TRRAP: variants seen among roughly 807,000 people sequenced by gnomAD.
TRRAP encodes the protein transformation/transcription domain associated protein.
Under a neutral mutation model 438.8 loss-of-function variants are expected in TRRAP, and 41 were observed. The ratio of observed to expected loss-of-function variants is 0.09; its 90% CI spans 0.07 to 0.12. The LOEUF is 0.12. TRRAP is among the 10% of genes least tolerant of loss of function. The pLI is 1.00. For synonymous variants in TRRAP, 1,994 were observed against 1,962.9 expected (o/e 1.02, Z -0.42); for missense variants, 3,122 against 5,055.1 (o/e 0.62, Z 11.60).
At chr7:98,988,107 G>A (rs1272501699) in intron 62 of TRRAP, among the ~76,000 whole-genome samples, 2 of 152,116 alleles carry the variant, frequency 1.3e-5, no homozygotes, top group Admixed American at 6.5e-5. Context: ...CATTTTTGTC[G>A]AGGATGTTTG....
At chr7:98,921,463 C>G (rs782118446) in intron 20 of TRRAP, among the ~76,000 whole-genome samples, 27 of 151,890 alleles carry the variant, frequency 1.8e-4, no homozygotes, top group Non-Finnish European at 2.2e-4. Context: ...ACAACCTTCG[C>G]CTTCTGGGTT....
intron 52 of TRRAP, among the ~76,000 whole-genome samples, chr7:98,970,757 C>CGCTGCCTGGGGGAAT (rs1302341862): frequency 2.6e-5 from 4 of 152,288 alleles, no homozygotes; most frequent in African/African-American, 9.6e-5. Flanking sequence ...TTACAGAAAG[C>CGCTGCCTGGGGGAAT]GCTGCCTGGG....
intron 17 of TRRAP, 45 bp downstream of exon 17, chr7:98,911,316 TG>T: frequency 2.0e-6 from 3 of 1,500,756 alleles, no homozygotes; most frequent in Non-Finnish European, 2.7e-6. Flanking sequence ...TACAATTCTT[TG>T]TTTATGTCTT....
intron 70 of TRRAP, 26 bp downstream of exon 70, chr7:99,008,587 C>T (rs945845017): frequency 1.6e-5 from 26 of 1,609,030 alleles, no homozygotes; most frequent in South Asian, 2.2e-5. Flanking sequence ...GGCCGGGGGC[C>T]GAGCTGCCGC....
chr7:98,960,385 A>T (rs1010979509), intron 45 of TRRAP, among the ~76,000 whole-genome samples: 5 of 152,204 alleles, frequency 3.3e-5, no homozygotes, highest in African/African-American at 1.2e-4. Flanking sequence ...TTGAGATTAT[A>T]AAACCTATTG....
In TRRAP at chr7:98,899,642, G is replaced by C. The variant is rs375715838; in HGVS notation, c.712-37G>C. The C allele has an allele frequency of 3.7e-6, 6 of 1,611,740 alleles. No homozygotes were observed. In the East Asian group the frequency reaches 6.7e-5, roughly 18 times the overall value. On this transcript the variant is annotated intron_variant, in intron 9 of 72. Transcript: ENST00000456197. ...TGCCAGATTTTGTCGCCATAGCAGA[G>C]TGTCAATGTATGAAAATCTGGTATG...
intron 19 of TRRAP, 62 bp from the exon 20 acceptor site, chr7:98,917,361 T>C (rs1318942911): frequency 1.3e-6 from 2 of 1,575,852 alleles, no homozygotes; most frequent in Admixed American, 1.7e-5. Context: ...TTTTGTGTGT[T>C]TCACCTGGGC....
At chr7:98,970,382 G>C in intron 52 of TRRAP, 91 bp downstream of exon 52, 2 of 1,461,484 alleles carry the variant, frequency 1.4e-6, no homozygotes, top group South Asian at 1.3e-5. Flanking sequence ...GTGAGACCCC[G>C]TGCCCCACGG....
chr7:98,895,433 G>C (rs565001291), intron 6 of TRRAP, among the ~76,000 whole-genome samples: 1 of 152,116 alleles, frequency 6.6e-6, no homozygotes, highest in Non-Finnish European at 1.5e-5. Context: ...AGTGGTTTAC[G>C]GCCCCACAGT....
intron 67 of TRRAP, chr7:98,999,035 A>G (rs1047439142): frequency 3.7e-6 from 3 of 809,286 alleles, no homozygotes; most frequent in Non-Finnish European, 4.0e-6. Flanking sequence ...ACCAGCTCCA[A>G]GGTGGATGGG....
At chr7:98,960,634 C>T (rs1791845174) in intron 45 of TRRAP, among the ~76,000 whole-genome samples, 1 of 152,100 alleles carries the variant, frequency 6.6e-6, no homozygotes, top group Admixed American at 6.6e-5. Context: ...CTCTGTCGCC[C>T]AGGCTGGATT....
At chr7:98,884,813 T>C (rs1321312200) in intron 3 of TRRAP, among the ~76,000 whole-genome samples, 1 of 152,054 alleles carries the variant, frequency 6.6e-6, no homozygotes, top group Non-Finnish European at 1.5e-5. Flanking sequence ...AGGGCCATGG[T>C]GGTCATGGGG....
chr7:98,927,026 C>T (rs927928807), intron 22 of TRRAP, 141 bp from the exon 23 acceptor site: 2 of 939,402 alleles, frequency 2.1e-6, no homozygotes, highest in Non-Finnish European at 3.2e-6. Context: ...CCAGGTGTTG[C>T]TGAAATTAAA....
rs377650128 is a variant in TRRAP, at chr7:99,012,104, G to A, written c.11371G>A (p.Glu3791Lys). The A allele has an allele frequency of 2.5e-6, 4 of 1,614,026 alleles. No homozygotes were observed. The highest frequency in any genetic ancestry group is 3.4e-6 in the Non-Finnish European group (4 of 1,179,930). Residue 3791 changes from glutamate (E) to lysine (K), a missense_variant, in exon 73 of 73, where the codon GAG (glutamate) becomes AAG (lysine). By Grantham distance (56) the Glu-to-Lys change is moderately conservative. Around this residue, in one of 24 missense-constraint regions of TRRAP, gnomAD observed 192 missense variants for 355.6 expected, o/e 0.54. Coordinates refer to ENST00000456197, the MANE Select transcript of TRRAP (RefSeq NM_001375524.1). This position sits in a 1 kb window ranked among gnomAD's most constrained non-coding sequence, Gnocchi z 5.9. ...CATTCTGAAAACGGTTCTCCGGGAC[G>A]AGATCATTGCTTGGCACAAAAAAAC... ...DGILKTVLRD[E>K]IIAWHKKTQE...
At position 98,976,418 on chromosome 7, in the gene TRRAP, G is replaced by A. The variant is rs1196690646; in HGVS notation, c.7960-65G>A. ...GAATTAGGAAAGGTATTCTTGCATC[G>A]AGAGAGACAGCAAGACTTGCCGATT... On this transcript the variant is annotated intron_variant, in intron 54 of 72. Coordinates refer to ENST00000456197, the MANE Select transcript of TRRAP (RefSeq NM_001375524.1). This position sits in a 1 kb window ranked among gnomAD's most constrained non-coding sequence, Gnocchi z 4.6. 1.1e-5 allele frequency: 17 copies of A among 1,578,596 alleles called. No individual in the cohort carries two copies. In the Admixed American group the frequency reaches 1.5e-4, roughly 14 times the overall value.
intron 62 of TRRAP, among the ~76,000 whole-genome samples, chr7:98,986,911 A>T (rs1283813422): frequency 6.6e-6 from 1 of 152,186 alleles, no homozygotes; most frequent in East Asian, 1.9e-4. Flanking sequence ...ATTATGCTGC[A>T]TGTGGATATA....
chr7:98,976,172 C>T lies in TRRAP; in HGVS notation c.7863C>T (p.Phe2621=), dbSNP rs768598878. 24 of 1,613,912 alleles carry T rather than the reference C, an allele frequency of 1.5e-5. No homozygotes were observed. The highest frequency in any genetic ancestry group is 4.4e-5 in the South Asian group (4 of 91,082). ...EVKTGALLSA[F]VQLCHISTTL... is the part of the protein sequence containing the mutation. ...AGACTGGAGCGCTGCTCAGCGCTTTCGTTCAGCTGTGCCACATTTCCACGA... is the reference window on the plus strand; with the variant it reads ...AGACTGGAGCGCTGCTCAGCGCTTTTGTTCAGCTGTGCCACATTTCCACGA... Residue 2621 remains phenylalanine, a synonymous_variant, in exon 54 of 73, where the codon TTC becomes TTT. Transcript: ENST00000456197. This position sits in a 1 kb window ranked among gnomAD's most constrained non-coding sequence, Gnocchi z 4.6.
Position 98,956,333 on chromosome 7 carries a change from G to T in TRRAP, c.6096+29G>T, listed in dbSNP as rs368291327. 1 of 1,613,334 alleles carries T rather than the reference G, an allele frequency of 6.2e-7. No individual in the cohort carries two copies. The highest frequency in any genetic ancestry group is 8.5e-7 in the Non-Finnish European group (1 of 1,179,520). On this transcript the variant is annotated intron_variant, in intron 42 of 72. Transcript: ENST00000456197. The surrounding 1 kb of genome is among the most constrained non-coding windows in gnomAD (Gnocchi z 4.5). The stretch of plus-strand genomic sequence containing the variant: ...GGGGTGTCAGCCTCAGGGGTGCCCC[G>T]ATCGTCTTCCTTTGACTTCTCCCTA...
Position 98,933,300 on chromosome 7 carries a change from A to T in TRRAP, c.3912A>T (p.Ala1304=). ...KHLLRHQPAN[A]QIGLMEGNTF... Reference sequence around the variant, plus strand: ...TGCTCCGACACCAGCCTGCCAACGCACAGATTGGCCTGATGGAGGGGAACA... The same window carrying T: ...TGCTCCGACACCAGCCTGCCAACGCTCAGATTGGCCTGATGGAGGGGAACA... Residue 1304 remains alanine, a synonymous_variant, in exon 27 of 73, where the codon GCA becomes GCT. Coordinates refer to ENST00000456197, the MANE Select transcript of TRRAP (RefSeq NM_001375524.1). 4 of 1,614,112 alleles carry T rather than the reference A, an allele frequency of 2.5e-6. No individual in the cohort carries two copies. In the East Asian group the frequency reaches 8.9e-5, roughly 36 times the overall value.
Sources: gnomAD v4.1 joint callset for allele counts (sites outside exome capture counted in the v4.1 genomes callset) on GRCh38, gnomAD v4.1.1 for gene constraint, gnomAD v4.1.1 regional missense constraint, Gnocchi (gnomAD v3.1) non-coding constraint, MANE v1.5 for transcripts, NCBI Gene and HGNC (gene_info 2026-07-23, HGNC 2026-07-21) for gene names.